Variants in AKR1D1 observed in about 807,000 individuals in gnomAD.
The protein encoded by AKR1D1 is delta(4)-3-ketosteroid 5-beta-reductase.
In AKR1D1, 32 loss-of-function variants were observed where a neutral mutation model predicts 42.6. That is an observed-to-expected ratio of 0.75 (90% CI 0.57 to 1.01). AKR1D1 has a LOEUF of 1.01. Ranked by LOEUF, AKR1D1 falls within the 50% of genes least tolerant of loss-of-function variation. The pLI is 0.00. For missense variants in AKR1D1, 364 were observed against 402.2 expected (o/e 0.91, Z 0.81); for synonymous variants, 123 against 135.5 (o/e 0.91, Z 0.64).
At chr7:138,089,798 C>T (rs1251602552) in intron 2 of AKR1D1, among the ~76,000 whole-genome samples, 2 of 152,166 alleles carry the variant, frequency 1.3e-5, no homozygotes, top group African/African-American at 2.4e-5. Context: ...TGTGCCATTG[C>T]TATTGCCTCA....
Position 138,100,806 on chromosome 7 carries a change from G to A in AKR1D1, c.456+2863G>A, listed in dbSNP as rs557359150. Among the ~76,000 whole-genome samples, 5 of 134,570 alleles carry A rather than the reference G, an allele frequency of 3.7e-5. No individual in the cohort carries two copies. In the East Asian group the frequency reaches 7.2e-4, roughly 19 times the overall value. The allele number at this position is 134,570 out of a possible 152,430, so 88.3% of individuals were successfully genotyped here. On this transcript the variant is annotated intron_variant, in intron 4 of 8. Coordinates refer to ENST00000242375, the MANE Select transcript of AKR1D1 (RefSeq NM_005989.4). Reference sequence around the variant, plus strand: ...TGCAAGCTCCACCTCCCAGGTTCACGCCATTCTCTTGCCTCAGCCTCCCGA... The same window carrying A: ...TGCAAGCTCCACCTCCCAGGTTCACACCATTCTCTTGCCTCAGCCTCCCGA...
chr7:138,088,886 A>T, intron 2 of AKR1D1, 118 bp downstream of exon 2: 1 of 1,136,868 alleles, frequency 8.8e-7, no homozygotes, highest in South Asian at 1.4e-5. Context: ...GCAGTACTTA[A>T]TAACAGTTTG....
intron 1 of AKR1D1, among the ~76,000 whole-genome samples, chr7:138,081,361 C>T (rs929682899): frequency 1.3e-5 from 2 of 152,072 alleles, no homozygotes; most frequent in African/African-American, 4.8e-5. Flanking sequence ...TGCTGCACCC[C>T]AAGATCCACT....
intron 2 of AKR1D1, among the ~76,000 whole-genome samples, chr7:138,089,157 G>A (rs1475615932): frequency 6.6e-6 from 1 of 151,944 alleles, no homozygotes; most frequent in Non-Finnish European, 1.5e-5. Flanking sequence ...AGACCAACCT[G>A]GGTAACATGG....
intron 3 of AKR1D1, among the ~76,000 whole-genome samples, chr7:138,097,432 A>C (rs908107897): frequency 6.6e-6 from 1 of 152,272 alleles, no homozygotes; most frequent in African/African-American, 2.4e-5. Context: ...TAAATGTCAC[A>C]GAAAGCTCTG....
rs1794209916 is a variant in AKR1D1, at chr7:138,097,724, CA to C, written c.379-138del. On this transcript the variant is annotated intron_variant, in intron 3 of 8. Transcript: ENST00000242375. ...TCTTAATCCAGCTGGGCCGCTATGA[CA>C]AAATACTTTAGACTGGGTGATTTAG... 10 of 758,810 alleles carry C rather than the reference CA, an allele frequency of 1.3e-5. No individual in the cohort carries two copies. The East Asian group carries it at 2.7e-4, about 21-fold the overall frequency. The allele number at this position is 758,810 out of a possible 1,614,324, so 47.0% of individuals were successfully genotyped here.
intron 4 of AKR1D1, among the ~76,000 whole-genome samples, chr7:138,101,411 G>A (rs754375659): frequency 4.0e-4 from 61 of 152,112 alleles, no homozygotes; most frequent in Non-Finnish European, 7.4e-4. Flanking sequence ...TGTTGGTCAG[G>A]CTGGTCTCGA....
intron 1 of AKR1D1, among the ~76,000 whole-genome samples, chr7:138,080,668 T>C (rs938655626): frequency 1.3e-5 from 2 of 152,206 alleles, no homozygotes; most frequent in Non-Finnish European, 2.9e-5. Flanking sequence ...ATTAACCATC[T>C]CTGCAAAGCA....
intron 3 of AKR1D1, among the ~76,000 whole-genome samples, chr7:138,094,888 T>G (rs900871592): frequency 1.3e-5 from 2 of 152,190 alleles, no homozygotes; most frequent in African/African-American, 4.8e-5. Context: ...TTTTAGCACT[T>G]TATTATTTTT....
chr7:138,078,998 T>C (rs1302514010), intron 1 of AKR1D1, among the ~76,000 whole-genome samples: 1 of 152,142 alleles, frequency 6.6e-6, no homozygotes, highest in Non-Finnish European at 1.5e-5. Flanking sequence ...TTTTATTTTA[T>C]TTATTTTATT....
chr7:138,088,169 G>C (rs1481998289), intron 1 of AKR1D1, among the ~76,000 whole-genome samples: 2 of 152,166 alleles, frequency 1.3e-5, no homozygotes, highest in Admixed American at 1.3e-4. Flanking sequence ...GGGATTACAG[G>C]TGTGAGCCAC....
At chr7:138,095,675 G>A (rs894815994) in intron 3 of AKR1D1, among the ~76,000 whole-genome samples, 4 of 151,990 alleles carry the variant, frequency 2.6e-5, no homozygotes, top group African/African-American at 9.7e-5. Flanking sequence ...ACAGGCGCCC[G>A]CCATCATGCC....
intron 7 of AKR1D1, among the ~76,000 whole-genome samples, chr7:138,111,415 C>G (rs1337317967): frequency 6.6e-6 from 1 of 152,204 alleles, no homozygotes; most frequent in Non-Finnish European, 1.5e-5. Context: ...ACTGGAACAG[C>G]CCTTGTCAAA....
At chr7:138,106,456 A>G in intron 5 of AKR1D1, 152 bp from the exon 6 acceptor site, 1 of 688,178 alleles carries the variant, frequency 1.5e-6, no homozygotes, top group Non-Finnish European at 2.6e-6. Flanking sequence ...TGAACAAGAT[A>G]TGAAGGGACA....
chr7:138,116,583 G>A, intron 8 of AKR1D1, 37 bp from the exon 9 acceptor site: 1 of 1,613,972 alleles, frequency 6.2e-7, no homozygotes, highest in Non-Finnish European at 8.5e-7. Context: ...TGCAATTTTT[G>A]AGTGAACTTT....
At position 138,106,775 on chromosome 7, in the gene AKR1D1, T is replaced by G. The variant is rs1037547880; in HGVS notation, c.689+58T>G. On this transcript the variant is annotated intron_variant, in intron 6 of 8. Transcript: ENST00000242375. The stretch of plus-strand genomic sequence containing the variant: ...TGTAGAGTGTGAGGCTCATGTGAAC[T>G]ACTGTATTTGATTGGAATGCCTTTT... 7 of 1,325,500 alleles carry G rather than the reference T, an allele frequency of 5.3e-6. No individual in the cohort carries two copies. In the African/African-American group the frequency reaches 8.7e-5, roughly 16 times the overall value. 82.1% of individuals were successfully genotyped at this position (1,325,500 alleles called of 1,614,324 possible). A position where few individuals can be genotyped will look rare whatever the true frequency, so the allele number is the denominator to read the frequency against.
intron 1 of AKR1D1, among the ~76,000 whole-genome samples, chr7:138,086,040 T>C (rs1803168441): frequency 6.6e-6 from 1 of 151,810 alleles, no homozygotes; most frequent in Non-Finnish European, 1.5e-5. Context: ...CAAAACCCCA[T>C]CTCTACAAAA....
chr7:138,077,663 C>T (rs954705900), intron 1 of AKR1D1, among the ~76,000 whole-genome samples: 3 of 152,226 alleles, frequency 2.0e-5, no homozygotes, highest in Admixed American at 6.5e-5. Context: ...ATGCTGATTA[C>T]GAGAATAAAT....
intron 4 of AKR1D1, among the ~76,000 whole-genome samples, chr7:138,101,171 C>T (rs1022067770): frequency 2.2e-4 from 8 of 35,758 alleles, no homozygotes; most frequent in South Asian, 3.4e-3. Flanking sequence ...CTCCCTCCCT[C>T]CCTCCCTCCC....
Sources: gnomAD v4.1 joint callset for allele counts (sites outside exome capture counted in the v4.1 genomes callset) on GRCh38, gnomAD v4.1.1 for gene constraint, MANE v1.5 for transcripts, NCBI Gene and HGNC (gene_info 2026-07-23, HGNC 2026-07-21) for gene names.